The following RHBDD1 variants were observed in gnomAD, a reference collection of about 807,000 sequenced individuals.
RHBDD1 encodes rhomboid domain containing 1, also known as rhomboid-related protein 4.
A neutral mutation model predicts 36.3 loss-of-function variants in RHBDD1; 38 were observed. The observed-to-expected ratio is 1.05, with a 90% CI of 0.81 to 1.37. The LOEUF (loss-of-function observed/expected upper bound fraction) is 1.37. Among genes scored for constraint, RHBDD1 ranks in the 40% most tolerant of loss-of-function variants. The pLI, the probability that RHBDD1 is intolerant of heterozygous loss-of-function variation, is 0.00. For missense variants in RHBDD1, 393 were observed against 377.6 expected, an observed-to-expected ratio of 1.04 and a Z score of -0.34; for synonymous variants, 151 against 136.5, an observed-to-expected ratio of 1.11 and a Z score of -0.74.
intron 8 of RHBDD1, among the ~76,000 whole-genome samples, chr2:226,952,981 C>T (rs1951535702): frequency 6.6e-6 from 1 of 152,100 alleles, no homozygotes; most frequent in African/African-American, 2.4e-5. Context: ...TAATGGTTTC[C>T]TTATTTGTCT....
chr2:226,805,777 A>T, the RHBDD1 span, among the ~76,000 whole-genome samples: 4 of 152,246 alleles, frequency 2.6e-5, no homozygotes, highest in African/African-American at 7.2e-5. Context: ...TGAATGTCCC[A>T]TGCCCTCTAT....
intron 8 of RHBDD1, among the ~76,000 whole-genome samples, chr2:226,935,637 T>A (rs115413418): frequency 0.46 from 69,468 of 151,428 alleles, 16,117 homozygotes; most frequent in African/African-American, 0.53. Context: ...CAGTTTTATT[T>A]TTTTTTTTTA....
At chr2:226,953,161 G>C (rs761624501) in intron 8 of RHBDD1, among the ~76,000 whole-genome samples, 2 of 152,110 alleles carry the variant, frequency 1.3e-5, no homozygotes, top group Non-Finnish European at 2.9e-5. Flanking sequence ...AATGATTACT[G>C]CTTGTGTTCC....
the RHBDD1 span, among the ~76,000 whole-genome samples, chr2:226,822,162 A>G: frequency 1.3e-5 from 2 of 152,154 alleles, no homozygotes; most frequent in African/African-American, 4.8e-5. Context: ...TTATGTAACA[A>G]TTTTTACCAT....
At chr2:226,923,181 C>G (rs1002127938) in intron 8 of RHBDD1, among the ~76,000 whole-genome samples, 1 of 152,096 alleles carries the variant, frequency 6.6e-6, no homozygotes, top group East Asian at 1.9e-4. Context: ...TGAAGAACTC[C>G]CTTTAGCATT....
rs1056045897 is a variant in RHBDD1, at chr2:226,839,585, G to C, written c.-133G>C. 4 of 152,182 alleles carry C rather than the reference G, an allele frequency of 2.6e-5. No individual in the cohort carries two copies. In the East Asian group the frequency reaches 7.7e-4, roughly 29 times the overall value. The allele number at this position is 152,182 out of a possible 1,614,324, so 9.4% of individuals were successfully genotyped here. A position where few individuals can be genotyped will look rare whatever the true frequency, so the allele number is the denominator to read the frequency against. On this transcript the variant is annotated 5_prime_UTR_variant, in exon 3 of 9. Coordinates refer to ENST00000392062, the MANE Select transcript of RHBDD1 (RefSeq NM_001167608.3). Reference sequence around the variant, plus strand: ...CTCTGTGGTGGAATAGAAATCCTCAGGGCATGAGCTATACCTAAAACGTAA... The same window carrying C: ...CTCTGTGGTGGAATAGAAATCCTCACGGCATGAGCTATACCTAAAACGTAA...
intron 8 of RHBDD1, among the ~76,000 whole-genome samples, chr2:226,923,916 TG>T (rs1949500173): frequency 6.6e-6 from 1 of 152,330 alleles, no homozygotes; most frequent in East Asian, 1.9e-4. Flanking sequence ...GGGTCCCCTC[TG>T]GCCCAGCTCA....
chr2:226,843,319 G>A (rs1941874731), intron 3 of RHBDD1, among the ~76,000 whole-genome samples: 1 of 152,184 alleles, frequency 6.6e-6, no homozygotes, highest in African/African-American at 2.4e-5. Flanking sequence ...GAATAGGAGT[G>A]GTGGGAGAGG....
chr2:226,808,062 G>A, the RHBDD1 span, among the ~76,000 whole-genome samples: 20 of 152,222 alleles, frequency 1.3e-4, no homozygotes, highest in South Asian at 1.7e-3. Flanking sequence ...TAGACTGTTG[G>A]GGGGAGGACA....
intron 8 of RHBDD1, among the ~76,000 whole-genome samples, chr2:226,983,190 A>C (rs939855706): frequency 1.3e-5 from 2 of 152,150 alleles, no homozygotes; most frequent in African/African-American, 4.8e-5. Context: ...TAAAAAATGC[A>C]CATTTCTGGG....
the RHBDD1 span, among the ~76,000 whole-genome samples, chr2:226,809,808 T>C: frequency 6.6e-6 from 1 of 152,218 alleles, no homozygotes; most frequent in African/African-American, 2.4e-5. Context: ...GCTTTCACCT[T>C]TTTAAAAACT....
At chr2:226,820,706 T>A in the RHBDD1 span, among the ~76,000 whole-genome samples, 223 of 149,810 alleles carry the variant, frequency 1.5e-3, 2 homozygotes, top group African/African-American at 5.2e-3. Context: ...GGCATGCACC[T>A]GTAGTCCCAG....
intron 8 of RHBDD1, among the ~76,000 whole-genome samples, chr2:226,969,989 T>TCCC (rs34121580): frequency 8.9e-5 from 10 of 112,002 alleles, no homozygotes; most frequent in African/African-American, 3.1e-4. Context: ...TTTACAACTG[T>TCCC]CCCCCCCCCC....
At chr2:226,802,121 C>T in the RHBDD1 span, among the ~76,000 whole-genome samples, 1 of 151,858 alleles carries the variant, frequency 6.6e-6, no homozygotes, top group Non-Finnish European at 1.5e-5. Context: ...TTTATTTGCA[C>T]GTACCTCACA....
chr2:226,864,663 C>A lies in RHBDD1; in HGVS notation c.-31C>A. Reference sequence around the variant, plus strand: ...AACTGACCACCTGAGTACGTTTTCCCATTGCTGAGCTGTTTCCCTGATATC... The same window carrying A: ...AACTGACCACCTGAGTACGTTTTCCAATTGCTGAGCTGTTTCCCTGATATC... On this transcript the variant is annotated 5_prime_UTR_variant, in exon 4 of 9. Transcript: ENST00000392062. 1 of 1,585,446 alleles carries A rather than the reference C, an allele frequency of 6.3e-7. No individual in the cohort carries two copies. Among genetic ancestry groups the A allele is most frequent in the Non-Finnish European group, 8.6e-7 (1 of 1,159,830 alleles).
At chr2:226,819,806 C>A in the RHBDD1 span, among the ~76,000 whole-genome samples, 2 of 152,088 alleles carry the variant, frequency 1.3e-5, no homozygotes, top group African/African-American at 4.8e-5. Context: ...AACATGCTAT[C>A]TTTTTTCCTA....
At chr2:226,986,221 A>G (rs577998098) in intron 8 of RHBDD1, among the ~76,000 whole-genome samples, 2 of 152,362 alleles carry the variant, frequency 1.3e-5, no homozygotes, top group East Asian at 3.9e-4. Flanking sequence ...ACAGACCAAA[A>G]GAGACTAAGG....
At chr2:226,849,619 G>A (rs1396306423) in intron 3 of RHBDD1, among the ~76,000 whole-genome samples, 1 of 152,254 alleles carries the variant, frequency 6.6e-6, no homozygotes, top group African/African-American at 2.4e-5. Context: ...GGCCCCGGAT[G>A]TCCTCTTTGC....
the RHBDD1 span, among the ~76,000 whole-genome samples, chr2:226,807,038 C>T: frequency 2.0e-5 from 3 of 152,120 alleles, no homozygotes. Context: ...ACCAGTCTGT[C>T]CCTACTAAGC....
Sources: gnomAD v4.1 joint callset for allele counts (sites outside exome capture counted in the v4.1 genomes callset) on GRCh38, gnomAD v4.1.1 for gene constraint, MANE v1.5 for transcripts, NCBI Gene and HGNC (gene_info 2026-07-23, HGNC 2026-07-21) for gene names.